Variants in CEP72 observed in about 807,000 individuals in gnomAD.
CEP72 encodes centrosomal protein 72, also known as centrosomal protein of 72 kDa.
Under a neutral mutation model 65.7 loss-of-function variants are expected in CEP72, and 78 were observed. That is an observed-to-expected ratio of 1.19 (90% CI 0.99 to 1.43). CEP72 has a LOEUF of 1.43. Ranked by LOEUF, CEP72 falls within the 40% of genes most tolerant of loss-of-function variation. The pLI is 0.00. For synonymous variants in CEP72, 358 were observed against 351.7 expected (o/e 1.02, Z -0.20); for missense variants, 914 against 832.9 (o/e 1.10, Z -1.20).
chr5:620,520 C>T (rs987814903), intron 3 of CEP72, among the ~76,000 whole-genome samples: 2 of 152,208 alleles, frequency 1.3e-5, no homozygotes, highest in Non-Finnish European at 2.9e-5. Flanking sequence ...CCGGACCAGG[C>T]TGCTACGTCC....
intron 1 of CEP72, among the ~76,000 whole-genome samples, chr5:615,026 GT>G (rs111984966): frequency 5.0e-5 from 7 of 140,028 alleles, no homozygotes; most frequent in African/African-American, 7.9e-5. Context: ...GGATTTGTCT[GT>G]TTTTTTTTTC....
rs1282438559 is a variant in CEP72, at chr5:643,609, G to T, written c.1540-690G>T. On this transcript the variant is annotated intron_variant, in intron 9 of 11. Coordinates refer to ENST00000264935, the MANE Select transcript of CEP72 (RefSeq NM_018140.4). The stretch of plus-strand genomic sequence containing the variant: ...CCTCCCCTGGTGGCAGTGAGCTGGG[G>T]CCTGCTCAGCACCCCCGGCCCCAGG... The T allele has an allele frequency of 7.1e-6, 7 of 985,250 alleles. No individual in the cohort carries two copies. In the African/African-American group the frequency reaches 1.0e-4, roughly 15 times the overall value. 61.0% of individuals were successfully genotyped at this position (985,250 alleles called of 1,614,324 possible).
chr5:642,797 T>A (rs1411498244), intron 9 of CEP72: 19 of 985,346 alleles, frequency 1.9e-5, no homozygotes, highest in Non-Finnish European at 2.2e-5. Context: ...CCGTGCAGGC[T>A]GGTGGGCACT....
At chr5:673,815 T>C in the CEP72 span, among the ~76,000 whole-genome samples, 1 of 152,164 alleles carries the variant, frequency 6.6e-6, no homozygotes, top group Non-Finnish European at 1.5e-5. Context: ...CCAGACCAGC[T>C]GGGGCTCCTC....
intron 1 of CEP72, among the ~76,000 whole-genome samples, chr5:615,134 C>CTTTTTT (rs373343998): frequency 4.2e-5 from 5 of 120,336 alleles, no homozygotes; most frequent in Admixed American, 8.9e-5. Context: ...TAGTCTTCCT[C>CTTTTTT]TTTTTTTTTT....
intron 4 of CEP72, among the ~76,000 whole-genome samples, chr5:633,075 GC>G (rs60019654): frequency 1.6e-5 from 1 of 61,582 alleles, no homozygotes; most frequent in Non-Finnish European, 2.9e-5. Context: ...TCTGTCCAGT[GC>G]CGGGATTTGA....
chr5:671,606 T>C (rs1247057343), downstream of CEP72, among the ~76,000 whole-genome samples: 1 of 152,150 alleles, frequency 6.6e-6, no homozygotes, highest in African/African-American at 2.4e-5. Flanking sequence ...TGGGGATTGC[T>C]GGTGCTGCCC....
downstream of CEP72, among the ~76,000 whole-genome samples, chr5:654,306 CTAGCTGTGTGT>C (rs1739302873): frequency 6.9e-6 from 1 of 144,296 alleles, no homozygotes; most frequent in Admixed American, 6.8e-5. Context: ...TTGCTGTGTG[CTAGCTGTGTGT>C]ACGCTTGTGT....
intron 7 of CEP72, among the ~76,000 whole-genome samples, chr5:638,788 G>A (rs1350686592): frequency 1.3e-5 from 2 of 152,202 alleles, no homozygotes; most frequent in African/African-American, 2.4e-5. Flanking sequence ...CGGCCTGGAT[G>A]TGTCTTCCGC....
chr5:632,749 G>A (rs1579968106), intron 4 of CEP72, among the ~76,000 whole-genome samples: 1 of 32,170 alleles, frequency 3.1e-5, no homozygotes, highest in African/African-American at 1.5e-4. Flanking sequence ...AGTCCTGGTG[G>A]GGTTCTATCC....
At chr5:652,087 C>T (rs555001036) in intron 11 of CEP72, among the ~76,000 whole-genome samples, 9 of 152,244 alleles carry the variant, frequency 5.9e-5, no homozygotes, top group South Asian at 4.1e-4. Flanking sequence ...GTGGCGGCCG[C>T]GGGTGCAGTG....
At position 641,121 on chromosome 5, in the gene CEP72, C is replaced by T. The variant is rs1049723769; in HGVS notation, c.1539+517C>T. The T allele has an allele frequency of 1.1e-5, 11 of 985,142 alleles. No homozygotes were observed. The South Asian group carries it at 1.4e-4, about 13-fold the overall frequency. The allele number at this position is 985,142 out of a possible 1,614,324, so 61.0% of individuals were successfully genotyped here. A position where few individuals can be genotyped will look rare whatever the true frequency, so the allele number is the denominator to read the frequency against. On this transcript the variant is annotated intron_variant, in intron 9 of 11. Coordinates refer to ENST00000264935, the MANE Select transcript of CEP72 (RefSeq NM_018140.4). The stretch of plus-strand genomic sequence containing the variant: ...CCAGGCTCCCTCCTTCCGTCTCAGC[C>T]GTGGGCCGGGGCCGCCGTCTCATCT...
chr5:618,936 T>A (rs551112510), intron 1 of CEP72, 54 bp from the exon 2 acceptor site: 32 of 1,423,178 alleles, frequency 2.2e-5, no homozygotes, highest in Non-Finnish European at 3.0e-5. Context: ...TTGACCGTTA[T>A]TATAATTGTT....
At chr5:642,570 C>G in intron 9 of CEP72, 2 of 985,496 alleles carry the variant, frequency 2.0e-6, no homozygotes, top group Non-Finnish European at 2.4e-6. Context: ...ACCAGTGCTG[C>G]CAGGGGTGAG....
intron 10 of CEP72, among the ~76,000 whole-genome samples, chr5:646,962 G>A (rs1738468453): frequency 1.3e-5 from 2 of 152,214 alleles, no homozygotes; most frequent in South Asian, 4.1e-4. Context: ...TGCCGTCTGA[G>A]GACTCTTGGT....
chr5:673,472 A>G, the CEP72 span, among the ~76,000 whole-genome samples: 2 of 151,218 alleles, frequency 1.3e-5, no homozygotes, highest in Non-Finnish European at 3.0e-5. Context: ...GGAGGGGGGG[A>G]GGTCAGAATC....
At chr5:642,868 A>T in intron 9 of CEP72, 1 of 985,478 alleles carries the variant, frequency 1.0e-6, no homozygotes, top group Non-Finnish European at 1.2e-6. Context: ...CTGCCACGTG[A>T]GGACGCTCAT....
intron 7 of CEP72, among the ~76,000 whole-genome samples, 166 bp from the exon 8 acceptor site, chr5:638,923 G>T (rs943365371): frequency 5.3e-5 from 8 of 152,160 alleles, no homozygotes; most frequent in Admixed American, 1.3e-4. Context: ...AGCCTCACTG[G>T]GCAGGCACTG....
At chr5:663,242 G>C (rs1739748582) in intron 1 of CEP72, 4 of 152,274 alleles carry the variant, frequency 2.6e-5, no homozygotes, top group South Asian at 2.1e-4. Flanking sequence ...CACATTCAGA[G>C]TTGTTTTCAA....
Sources: allele counts gnomAD v4.1 joint callset (sites outside exome capture counted in the v4.1 genomes callset), GRCh38; gene constraint gnomAD v4.1.1; transcripts MANE v1.5; gene names NCBI Gene and HGNC (gene_info 2026-07-23, HGNC 2026-07-21).